RYR2: variants seen among roughly 807,000 people sequenced by gnomAD.
RYR2 encodes the protein ryanodine receptor 2.
In RYR2, 227 loss-of-function variants were observed where a neutral mutation model predicts 601.1. The observed-to-expected ratio is 0.38, with a 90% confidence interval of 0.34 to 0.42. The LOEUF (loss-of-function observed/expected upper bound fraction) is 0.42, where lower values mean the gene tolerates loss of function less well. Among genes scored for constraint, RYR2 ranks in the 10% least tolerant of loss-of-function variants. RYR2 has a pLI of 1.00. For missense variants in RYR2, 4,646 were observed against 6,156.5 expected, an observed-to-expected ratio of 0.75 and a Z score of 8.21; for synonymous variants, 2,223 against 2,175.1, an observed-to-expected ratio of 1.02 and a Z score of -0.61.
At chr1:237,659,491 G>C (rs1457573481) in intron 54 of RYR2, among the ~76,000 whole-genome samples, 1 of 152,150 alleles carries the variant, frequency 6.6e-6, no homozygotes, top group Non-Finnish European at 1.5e-5. Flanking sequence ...GGTAAAACAG[G>C]TGGCATTATT....
chr1:237,783,657 C>T lies in RYR2; in HGVS notation c.11963-18C>T. 1 of 1,515,640 alleles carries T rather than the reference C, an allele frequency of 6.6e-7. No individual in the cohort carries two copies. The highest frequency in any genetic ancestry group is 2.3e-5 in the East Asian group (1 of 43,644). The allele number at this position is 1,515,640 out of a possible 1,614,324, so 93.9% of individuals were successfully genotyped here. A position where few individuals can be genotyped will look rare whatever the true frequency, so the allele number is the denominator to read the frequency against. Reference sequence around the variant, plus strand: ...TTTGTTAGTTTATTTTAAACAAATGCAACTGCTTTACCACCAGGTAATGTT... The same window carrying T: ...TTTGTTAGTTTATTTTAAACAAATGTAACTGCTTTACCACCAGGTAATGTT... On this transcript the variant is annotated intron_variant, in intron 89 of 104. Transcript: ENST00000366574.
chr1:237,549,350 G>A (rs991051956), intron 26 of RYR2, among the ~76,000 whole-genome samples: 1 of 152,152 alleles, frequency 6.6e-6, no homozygotes, highest in Non-Finnish European at 1.5e-5. Flanking sequence ...TAAGGTGGGA[G>A]GACTGCTTGA....
intron 62 of RYR2, among the ~76,000 whole-genome samples, chr1:237,681,225 C>T (rs1573495130): frequency 6.6e-6 from 1 of 152,132 alleles, no homozygotes; most frequent in South Asian, 2.1e-4. Flanking sequence ...AAAGTCCATA[C>T]CAAGCTTTTA....
At position 237,783,658 on chromosome 1, in the gene RYR2, A is replaced by G. The variant is rs1238710316; in HGVS notation, c.11963-17A>G. On this transcript the variant is annotated splice_polypyrimidine_tract_variant and intron_variant, in intron 89 of 104. Transcript: ENST00000366574. ...TTGTTAGTTTATTTTAAACAAATGC[A>G]ACTGCTTTACCACCAGGTAATGTTG... 2.6e-6 allele frequency: 4 copies of G among 1,527,814 alleles called. No individual in the cohort carries two copies. Among genetic ancestry groups the G allele is most frequent in the African/African-American group, 1.4e-5 (1 of 72,792 alleles). 94.6% of individuals were successfully genotyped at this position (1,527,814 alleles called of 1,614,324 possible). A position where few individuals can be genotyped will look rare whatever the true frequency, so the allele number is the denominator to read the frequency against.
intron 87 of RYR2, 62 bp downstream of exon 87, chr1:237,773,710 C>T: frequency 7.1e-7 from 1 of 1,406,156 alleles, no homozygotes; most frequent in Non-Finnish European, 9.8e-7. Context: ...TGCAGTATAT[C>T]TAGAGTAGTT....
chr1:237,545,183 G>A (rs1260038249), intron 25 of RYR2, among the ~76,000 whole-genome samples: 1 of 152,186 alleles, frequency 6.6e-6, no homozygotes, highest in African/African-American at 2.4e-5. Flanking sequence ...ACAGATTAAA[G>A]CAATTCTAGA....
intron 1 of RYR2, among the ~76,000 whole-genome samples, chr1:237,116,851 T>C (rs1340589733): frequency 6.6e-6 from 1 of 152,128 alleles, no homozygotes; most frequent in East Asian, 1.9e-4. Flanking sequence ...CCTGAATGGA[T>C]TGGCTGATGC....
intron 25 of RYR2, among the ~76,000 whole-genome samples, chr1:237,531,197 T>C (rs1406555225): frequency 3.3e-5 from 5 of 152,190 alleles, no homozygotes; most frequent in Non-Finnish European, 7.3e-5. Flanking sequence ...CGAGGATTAA[T>C]TATGAAGTCA....
chr1:237,348,420 G>A (rs1698484578), intron 3 of RYR2, among the ~76,000 whole-genome samples: 1 of 152,110 alleles, frequency 6.6e-6, no homozygotes, highest in South Asian at 2.1e-4. Context: ...GTGCTGGGGG[G>A]CCAAAAATTG....
chr1:237,565,368 T>G (rs1272732281), intron 27 of RYR2, among the ~76,000 whole-genome samples: 1 of 151,960 alleles, frequency 6.6e-6, no homozygotes, highest in Non-Finnish European at 1.5e-5. Flanking sequence ...TAGGCTCAAG[T>G]GATCCTTCTG....
At chr1:237,319,086 C>T (rs946237392) in intron 2 of RYR2, among the ~76,000 whole-genome samples, 3 of 151,878 alleles carry the variant, frequency 2.0e-5, no homozygotes, top group African/African-American at 7.3e-5. Context: ...TGCAATTGAA[C>T]CTCTTTAGTA....
intron 1 of RYR2, among the ~76,000 whole-genome samples, chr1:237,221,243 A>G (rs761725754): frequency 6.6e-6 from 1 of 152,202 alleles, no homozygotes; most frequent in Non-Finnish European, 1.5e-5. Context: ...ATTTATTGAT[A>G]TTCTAGTCAG....
At chr1:237,672,652 G>A (rs1012588869) in intron 58 of RYR2, among the ~76,000 whole-genome samples, 9 of 152,048 alleles carry the variant, frequency 5.9e-5, no homozygotes, top group Non-Finnish European at 1.3e-4. Context: ...ATAATAAATT[G>A]TTGTTAATTA....
chr1:237,288,719 C>T (rs1558561909), intron 2 of RYR2, among the ~76,000 whole-genome samples: 1 of 152,108 alleles, frequency 6.6e-6, no homozygotes, highest in Non-Finnish European at 1.5e-5. Flanking sequence ...GGTTTGAACA[C>T]TTACCCCAGG....
intron 10 of RYR2, among the ~76,000 whole-genome samples, chr1:237,389,240 A>G (rs1702181929): frequency 6.6e-6 from 1 of 152,230 alleles, no homozygotes; most frequent in Non-Finnish European, 1.5e-5. Flanking sequence ...TTCAAACAGA[A>G]ATATAAACTT....
At chr1:237,098,963 C>T (rs1015538115) in intron 1 of RYR2, among the ~76,000 whole-genome samples, 4 of 152,164 alleles carry the variant, frequency 2.6e-5, no homozygotes, top group South Asian at 2.1e-4. Flanking sequence ...GCCTCTGAAT[C>T]GCATATGATG....
At chr1:237,417,939 A>G (rs769824732) in intron 11 of RYR2, among the ~76,000 whole-genome samples, 69 of 152,272 alleles carry the variant, frequency 4.5e-4, no homozygotes, top group Non-Finnish European at 8.7e-4. Flanking sequence ...TAGGATGATA[A>G]TTGATTTGTA....
intron 1 of RYR2, among the ~76,000 whole-genome samples, chr1:237,125,909 A>G (rs1671355612): frequency 6.6e-6 from 1 of 152,222 alleles, no homozygotes; most frequent in South Asian, 2.1e-4. Flanking sequence ...TAATAAATGA[A>G]AATATCCGTT....
chr1:237,290,019 A>G (rs1430681510), intron 2 of RYR2, among the ~76,000 whole-genome samples: 1 of 152,204 alleles, frequency 6.6e-6, no homozygotes, highest in African/African-American at 2.4e-5. Flanking sequence ...AATACAACAT[A>G]GTGGCCTACT....
Sources: allele counts gnomAD v4.1 joint callset (sites outside exome capture counted in the v4.1 genomes callset), GRCh38; gene constraint gnomAD v4.1.1; transcripts MANE v1.5; gene names NCBI Gene and HGNC (gene_info 2026-07-23, HGNC 2026-07-21).